EXD2: variants seen among roughly 807,000 people sequenced by gnomAD.
EXD2 encodes the protein exonuclease 3'-5' domain-containing protein 2.
Under a neutral mutation model 62.5 loss-of-function variants are expected in EXD2, and 40 were observed. That is an observed-to-expected ratio of 0.64 (90% CI 0.50 to 0.83). EXD2 has a LOEUF of 0.83. Among genes scored for constraint, EXD2 ranks in the 40% least tolerant of loss-of-function variants. The pLI is 0.00. For missense variants in EXD2, 671 were observed against 761.8 expected, an observed-to-expected ratio of 0.88 and a Z score of 1.40; for synonymous variants, 239 against 291.9, an observed-to-expected ratio of 0.82 and a Z score of 1.85.
Position 69,228,853 on chromosome 14 carries a change from T to C in EXD2, c.371T>C (p.Leu124Pro). The change falls in exon 4 of 10, where the codon CTA becomes CCA. Residue 124 changes from leucine (L) to proline (P), a missense_variant. Leu to Pro is a moderately conservative substitution (Grantham distance 98). Transcript: ENST00000685843. ...GGCAAAGCCAGCCCTCTGTCACTTCTACAAATGGCCTCCCCAAGTGGCCTG... is the reference window on the plus strand; with the variant it reads ...GGCAAAGCCAGCCCTCTGTCACTTCCACAAATGGCCTCCCCAAGTGGCCTG... ...LEGKASPLSL[L>P]QMASPSGLCV... 6.2e-7 allele frequency: 1 copy of C among 1,614,116 alleles called. No homozygotes were observed. Among genetic ancestry groups the C allele is most frequent in the Non-Finnish European group, 8.5e-7 (1 of 1,180,010 alleles).
chr14:69,198,326 CTTTTTCATTCTA>C (rs2140188482), intron 1 of EXD2, among the ~76,000 whole-genome samples: 1 of 152,258 alleles, frequency 6.6e-6, no homozygotes, highest in Non-Finnish European at 1.5e-5. Context: ...AGCTGTGGTT[CTTTTTCATTCTA>C]CATTCCTCTG....
chr14:69,207,968 G>A (rs1274777591), intron 2 of EXD2, among the ~76,000 whole-genome samples: 1 of 150,586 alleles, frequency 6.6e-6, no homozygotes, highest in Non-Finnish European at 1.5e-5. Flanking sequence ...GCTCAGTTTC[G>A]GCTGACTGAA....
intron 2 of EXD2, among the ~76,000 whole-genome samples, chr14:69,208,336 A>G (rs780604063): frequency 3.7e-5 from 5 of 136,730 alleles, no homozygotes; most frequent in African/African-American, 1.4e-4. Context: ...TCAGCCTCCC[A>G]AGTAGCTGCG....
chr14:69,213,535 TAA>T, intron 3 of EXD2, among the ~76,000 whole-genome samples: 1 of 130,122 alleles, frequency 7.7e-6, no homozygotes, highest in East Asian at 2.2e-4. Context: ...TGCACCTGGA[TAA>T]TTTTTTTTTT....
chr14:69,225,804 A>T (rs1376787524), intron 3 of EXD2, among the ~76,000 whole-genome samples: 2 of 152,336 alleles, frequency 1.3e-5, no homozygotes, highest in African/African-American at 4.8e-5. Context: ...TTTAAGCTAA[A>T]TTGACTCTCC....
At chr14:69,225,915 A>T (rs2043344822) in intron 3 of EXD2, among the ~76,000 whole-genome samples, 1 of 152,240 alleles carries the variant, frequency 6.6e-6, no homozygotes, top group Non-Finnish European at 1.5e-5. Context: ...ATTATAGTAT[A>T]TTGGATCTTA....
chr14:69,235,868 T>G (rs556757793), intron 6 of EXD2, 178 bp from the exon 7 acceptor site: 1 of 645,750 alleles, frequency 1.5e-6, no homozygotes, highest in Non-Finnish European at 2.8e-6. Context: ...TTCTGTTTCC[T>G]AGCCCAGTGC....
chr14:69,237,775 A>C lies in EXD2; in HGVS notation c.1493A>C (p.Glu498Ala), dbSNP rs1294509091. The C allele has an allele frequency of 6.2e-7, 1 of 1,613,542 alleles. No individual in the cohort carries two copies. The highest frequency in any genetic ancestry group is 8.5e-7 in the Non-Finnish European group (1 of 1,179,876). The stretch of plus-strand genomic sequence containing the variant: ...GGCTTGCGCCTGCTGGAAGATCCTG[A>C]GCGCCGGCAGGTGCGTTCTGGGGCC... The part of the protein sequence containing the change: ...EEGLRLLEDP[E>A]RRQVRSGARA... The change falls in exon 9 of 10, where the codon GAG becomes GCG. Residue 498 changes from glutamate to alanine, a missense_variant. By Grantham distance (107) the Glu-to-Ala change is moderately radical (BLOSUM62 -1). Transcript: ENST00000685843.
intron 1 of EXD2, among the ~76,000 whole-genome samples, chr14:69,197,549 G>A (rs2042248350): frequency 6.6e-6 from 1 of 152,002 alleles, no homozygotes; most frequent in African/African-American, 2.4e-5. Flanking sequence ...ATTGGGTATA[G>A]GTCGTTTTTC....
At position 69,219,417 on chromosome 14, in the gene EXD2, T is replaced by C. The variant is rs371714554; in HGVS notation, c.334-9399T>C. On this transcript the variant is annotated intron_variant, in intron 3 of 9. Transcript: ENST00000685843. ...TGTTGATGAACACTTAGGTTGATTC[T>C]ATATCTTGGCTATTATGAATGGTGC... Among the ~76,000 whole-genome samples, 39 of 152,352 alleles carry C rather than the reference T, an allele frequency of 2.6e-4. No individual in the cohort carries two copies. In the Middle Eastern group the frequency reaches 0.014, roughly 53 times the overall value.
rs544306382 is a variant in EXD2 at position 69,218,466 on chromosome 14, C to T, written c.333+8663C>T. Among the ~76,000 whole-genome samples, 9 of 152,200 alleles carry T rather than the reference C, an allele frequency of 5.9e-5. No homozygotes were observed. In the South Asian group the frequency reaches 1.9e-3, roughly 32 times the overall value. ...TGAGTAGATTGCAAAAATTTTCTCCCATTCTGTAGGTTGCCTGTTCACTCT... is the reference window on the plus strand; with the variant it reads ...TGAGTAGATTGCAAAAATTTTCTCCTATTCTGTAGGTTGCCTGTTCACTCT... On this transcript the variant is annotated intron_variant, in intron 3 of 9. Coordinates refer to ENST00000685843, the MANE Select transcript of EXD2 (RefSeq NM_001193360.2).
intron 9 of EXD2, 21 bp downstream of exon 9, chr14:69,237,952 G>C (rs2043855958): frequency 6.5e-7 from 1 of 1,529,318 alleles, no homozygotes; most frequent in Non-Finnish European, 8.8e-7. Context: ...CAGGAATTGT[G>C]GAATGTACCA....
At chr14:69,232,243 G>A (rs2043610652) in intron 5 of EXD2, among the ~76,000 whole-genome samples, 1 of 152,154 alleles carries the variant, frequency 6.6e-6, no homozygotes, top group African/African-American at 2.4e-5. Context: ...GCCCTGTGCT[G>A]TAAAGGAGGA....
At chr14:69,197,228 T>C (rs770335707) in intron 1 of EXD2, among the ~76,000 whole-genome samples, 2 of 152,142 alleles carry the variant, frequency 1.3e-5, no homozygotes, top group Admixed American at 1.3e-4. Flanking sequence ...CTCTAAAAAA[T>C]ATATTAAAAA....
At chr14:69,228,609 T>C (rs2043453936) in intron 3 of EXD2, among the ~76,000 whole-genome samples, 1 of 152,196 alleles carries the variant, frequency 6.6e-6, no homozygotes, top group African/African-American at 2.4e-5. Context: ...CGTTTGGGGT[T>C]CTCGGTAACC....
At chr14:69,222,266 C>A (rs1046815609) in intron 3 of EXD2, among the ~76,000 whole-genome samples, 1 of 151,986 alleles carries the variant, frequency 6.6e-6, no homozygotes, top group Non-Finnish European at 1.5e-5. Flanking sequence ...TTTCAAATAA[C>A]CAACTTTTTG....
intron 3 of EXD2, among the ~76,000 whole-genome samples, chr14:69,225,268 G>A (rs757558540): frequency 1.8e-4 from 27 of 152,278 alleles, no homozygotes; most frequent in Middle Eastern, 3.4e-3. Context: ...TTTACTCTCT[G>A]TAGCCTTCAT....
At chr14:69,235,995 T>C in intron 6 of EXD2, 51 bp from the exon 7 acceptor site, 2 of 1,392,542 alleles carry the variant, frequency 1.4e-6, no homozygotes, top group East Asian at 4.6e-5. Context: ...AACAGACATT[T>C]TGACCCACAG....
intron 5 of EXD2, among the ~76,000 whole-genome samples, chr14:69,232,309 C>T (rs999604617): frequency 1.5e-4 from 23 of 152,168 alleles, no homozygotes; most frequent in African/African-American, 5.1e-4. Context: ...TGTTTCCGCC[C>T]TTGCCTTCAC....
Sources: allele counts gnomAD v4.1 joint callset (sites outside exome capture counted in the v4.1 genomes callset), GRCh38; gene constraint gnomAD v4.1.1; transcripts MANE v1.5; gene names NCBI Gene and HGNC (gene_info 2026-07-23, HGNC 2026-07-21).